The following NPR2 variants were observed in gnomAD, a reference collection of about 807,000 sequenced individuals.
NPR2 encodes the protein atrial natriuretic peptide receptor 2.
A neutral mutation model predicts 120.7 loss-of-function variants in NPR2; 49 were observed. That is an observed-to-expected ratio of 0.41 (90% confidence interval 0.32 to 0.52). NPR2 has a LOEUF of 0.52. Among genes scored for constraint, NPR2 ranks in the 20% least tolerant of loss-of-function variants. NPR2 has a pLI of 0.36. For synonymous variants in NPR2, 484 were observed against 519.8 expected, an observed-to-expected ratio of 0.93 and a Z score of 0.94; for missense variants, 931 against 1,362.9, an observed-to-expected ratio of 0.68 and a Z score of 4.99.
At chr9:35,804,419 G>T (rs1007586782) in intron 12 of NPR2, among the ~76,000 whole-genome samples, 2 of 152,080 alleles carry the variant, frequency 1.3e-5, no homozygotes, top group Non-Finnish European at 1.5e-5. Flanking sequence ...TTTTGGTAGA[G>T]GTGGGGTTTC....
At position 35,806,924 on chromosome 9, in the gene NPR2, T is replaced by C. The variant is rs574731052; in HGVS notation, c.2520-99T>C. On this transcript the variant is annotated intron_variant, in intron 16 of 21. Coordinates refer to ENST00000342694, the MANE Select transcript of NPR2 (RefSeq NM_003995.4). The surrounding 1 kb of genome is among the most constrained non-coding windows in gnomAD (Gnocchi z 4.6). ...CTCCCACCTGAAAAGCCTAGCTTTC[T>C]TGTTACAGCTCATCTCTGCTGCAGC... 416 of 1,367,014 alleles carry C rather than the reference T, an allele frequency of 3.0e-4. No homozygotes were observed. The highest frequency in any genetic ancestry group is 1.3e-3 in the Middle Eastern group (7 of 5,384). The allele number at this position is 1,367,014 out of a possible 1,614,324, so 84.7% of individuals were successfully genotyped here.
Position 35,802,081 on chromosome 9 carries a change from T to G in NPR2, c.1632+81T>G. On this transcript the variant is annotated intron_variant, in intron 9 of 21. Coordinates refer to ENST00000342694, the MANE Select transcript of NPR2 (RefSeq NM_003995.4). The surrounding 1 kb of genome is among the most constrained non-coding windows in gnomAD (Gnocchi z 4.2). ...TCTGCCACCTCTGCCCCTGAACCTC[T>G]GTCCCTCATACCCGACTCTCTGTGC... is the stretch of plus-strand genomic sequence containing the variant. 7.0e-7 allele frequency: 1 copy of G among 1,425,714 alleles called. No homozygotes were observed. The highest frequency in any genetic ancestry group is 1.1e-5 in the South Asian group (1 of 87,360). The allele number at this position is 1,425,714 out of a possible 1,614,324, so 88.3% of individuals were successfully genotyped here. A position where few individuals can be genotyped will look rare whatever the true frequency, so the allele number is the denominator to read the frequency against.
Position 35,806,942 on chromosome 9 carries a change from G to T in NPR2, c.2520-81G>T. The T allele has an allele frequency of 6.7e-7, 1 of 1,497,246 alleles. No individual in the cohort carries two copies. The highest frequency in any genetic ancestry group is 9.3e-7 in the Non-Finnish European group (1 of 1,079,760). 92.7% of individuals were successfully genotyped at this position (1,497,246 alleles called of 1,614,324 possible). ...AGCTTTCTTGTTACAGCTCATCTCTGCTGCAGCCACATACACTTTCCCTCT... is the reference window on the plus strand; with the variant it reads ...AGCTTTCTTGTTACAGCTCATCTCTTCTGCAGCCACATACACTTTCCCTCT... On this transcript the variant is annotated intron_variant, in intron 16 of 21. Coordinates refer to ENST00000342694, the MANE Select transcript of NPR2 (RefSeq NM_003995.4). This position sits in a 1 kb window ranked among gnomAD's most constrained non-coding sequence, Gnocchi z 4.6.
At chr9:35,795,368 A>G (rs1206526167) in intron 2 of NPR2, among the ~76,000 whole-genome samples, 4 of 152,208 alleles carry the variant, frequency 2.6e-5, no homozygotes, top group African/African-American at 7.2e-5. Context: ...AACCGTGCAT[A>G]TAAGTGTTTC....
rs777632416 is a variant in NPR2 at position 35,808,268 on chromosome 9, C to A, written c.2713-241C>A. 1.2e-6 allele frequency: 2 copies of A among 1,614,100 alleles called. No homozygotes were observed. The highest frequency in any genetic ancestry group is 1.7e-6 in the Non-Finnish European group (2 of 1,179,978). On this transcript the variant is annotated intron_variant, in intron 18 of 21. Coordinates refer to ENST00000342694, the MANE Select transcript of NPR2 (RefSeq NM_003995.4). This position sits in a 1 kb window ranked among gnomAD's most constrained non-coding sequence, Gnocchi z 4.0. ...CATGTCCTGCTGCAGACAGGGTGTTCATTCATTCCGCAAATGTTTACTGAG... is the reference window on the plus strand; with the variant it reads ...CATGTCCTGCTGCAGACAGGGTGTTAATTCATTCCGCAAATGTTTACTGAG...
At position 35,808,646 on chromosome 9, in the gene NPR2, C is replaced by A. The variant is rs1224456436; in HGVS notation, c.2850C>A (p.Pro950=). 1 of 1,614,182 alleles carries A rather than the reference C, an allele frequency of 6.2e-7. No homozygotes were observed. Among genetic ancestry groups the A allele is most frequent in the Non-Finnish European group, 8.5e-7 (1 of 1,180,022 alleles). The stretch of plus-strand genomic sequence containing the variant: ...CTTCCTTTCGCATCCGCCACCGACC[C>A]CATGACCAGCTGAGGCTACGCATAG... ...AVSSFRIRHR[P]HDQLRLRIGV... is the part of the protein sequence containing the mutation. Residue 950 remains proline, a synonymous_variant, in exon 19 of 22, where the codon CCC becomes CCA. Transcript: ENST00000342694. The surrounding 1 kb of genome is among the most constrained non-coding windows in gnomAD (Gnocchi z 4.0).
Position 35,808,421 on chromosome 9 carries a change from A to C in NPR2, c.2713-88A>C. On this transcript the variant is annotated intron_variant, in intron 18 of 21. Coordinates refer to ENST00000342694, the MANE Select transcript of NPR2 (RefSeq NM_003995.4). This position sits in a 1 kb window ranked among gnomAD's most constrained non-coding sequence, Gnocchi z 4.0. ...TGGTCTCCAGCATGTCAGGATGATT[A>C]ATGATGGTGTCAAGCTTGTCTCCCT... The C allele has an allele frequency of 6.9e-7, 1 of 1,456,430 alleles. No homozygotes were observed. Among genetic ancestry groups the C allele is most frequent in the Non-Finnish European group, 9.6e-7 (1 of 1,041,182 alleles). The allele number at this position is 1,456,430 out of a possible 1,614,324, so 90.2% of individuals were successfully genotyped here. A position where few individuals can be genotyped will look rare whatever the true frequency, so the allele number is the denominator to read the frequency against.
chr9:35,803,179 C>G (rs1278720881), intron 12 of NPR2, among the ~76,000 whole-genome samples: 1 of 82,486 alleles, frequency 1.2e-5, no homozygotes, highest in Non-Finnish European at 2.3e-5. Flanking sequence ...TCTCGGCTCA[C>G]TGCAAGCTCC....
intron 2 of NPR2, among the ~76,000 whole-genome samples, chr9:35,794,804 C>A (rs1317296930): frequency 6.6e-6 from 1 of 151,788 alleles, no homozygotes; most frequent in African/African-American, 2.4e-5. Flanking sequence ...TCTTAAGGCA[C>A]TAGGACTTGA....
chr9:35,805,402 T>A lies in NPR2; in HGVS notation c.1888-109T>A, dbSNP rs1224105284. 3.5e-6 allele frequency: 4 copies of A among 1,142,170 alleles called. No homozygotes were observed. In the African/African-American group the frequency reaches 6.1e-5, roughly 17 times the overall value. 70.8% of individuals were successfully genotyped at this position (1,142,170 alleles called of 1,614,324 possible). A position where few individuals can be genotyped will look rare whatever the true frequency, so the allele number is the denominator to read the frequency against. The stretch of plus-strand genomic sequence containing the variant: ...GATGCCTTCCAAAATCAGCTTATTA[T>A]TTTTGTGGACCCAAGATCTGTAGAC... On this transcript the variant is annotated intron_variant, in intron 12 of 21. Transcript: ENST00000342694. This position sits in a 1 kb window ranked among gnomAD's most constrained non-coding sequence, Gnocchi z 4.9.
In NPR2 at chr9:35,806,157, G is replaced by A. The variant is rs763799241; in HGVS notation, c.2296G>A (p.Glu766Lys). The change falls in exon 15 of 22, where the codon GAG becomes AAG. Residue 766 changes from glutamate (E) to lysine (K), a missense_variant. This residue lies in a region of NPR2 where 66 missense variants were observed against 60.3 expected (regional missense o/e 1.09). Transcript: ENST00000342694. The surrounding 1 kb of genome is among the most constrained non-coding windows in gnomAD (Gnocchi z 4.6). ...GAATGAAGAGCTAGTTTTGCTGATG[G>A]AGCGATGTTGGGCTCAGGACCCAGC... ...QLNEELVLLM[E>K]RCWAQDPAER... 6.2e-7 allele frequency: 1 copy of A among 1,614,240 alleles called. No homozygotes were observed. The highest frequency in any genetic ancestry group is 1.7e-5 in the Admixed American group (1 of 60,036).
In NPR2 at chr9:35,808,634, C is replaced by A. The variant is rs780232250; in HGVS notation, c.2838C>A (p.Ile946=). 1.3e-5 allele frequency: 21 copies of A among 1,614,072 alleles called. No individual in the cohort carries two copies. In the South Asian group the frequency reaches 2.3e-4, roughly 18 times the overall value. ...ALLDAVSSFR[I]RHRPHDQLRL... ...TAGATGCAGTTTCTTCCTTTCGCAT[C>A]CGCCACCGACCCCATGACCAGCTGA... is the stretch of plus-strand genomic sequence containing the variant. Residue 946 remains isoleucine (I), a synonymous_variant, in exon 19 of 22, where the codon ATC becomes ATA. Coordinates refer to ENST00000342694, the MANE Select transcript of NPR2 (RefSeq NM_003995.4). The surrounding 1 kb of genome is among the most constrained non-coding windows in gnomAD (Gnocchi z 4.0).
Position 35,802,386 on chromosome 9 carries a change from G to T in NPR2, c.1710+103G>T. The T allele has an allele frequency of 1.0e-6, 1 of 980,768 alleles. No homozygotes were observed. Among genetic ancestry groups the T allele is most frequent in the Non-Finnish European group, 1.6e-6 (1 of 606,508 alleles). 60.8% of individuals were successfully genotyped at this position (980,768 alleles called of 1,614,324 possible). On this transcript the variant is annotated intron_variant, in intron 10 of 21. Coordinates refer to ENST00000342694, the MANE Select transcript of NPR2 (RefSeq NM_003995.4). This position sits in a 1 kb window ranked among gnomAD's most constrained non-coding sequence, Gnocchi z 4.2. ...ATGGGCAAGGGGTTGATTTATAAAT[G>T]ATTTTAAAATCGTAGATACAACTAA...
chr9:35,805,390 A>G lies in NPR2; in HGVS notation c.1888-121A>G, dbSNP rs749925530. ...GAAACTGCAAAGGATGCCTTCCAAA[A>G]TCAGCTTATTATTTTTGTGGACCCA... On this transcript the variant is annotated intron_variant, in intron 12 of 21. Coordinates refer to ENST00000342694, the MANE Select transcript of NPR2 (RefSeq NM_003995.4). The surrounding 1 kb of genome is among the most constrained non-coding windows in gnomAD (Gnocchi z 4.9). The G allele has an allele frequency of 4.0e-6, 4 of 1,011,950 alleles. No individual in the cohort carries two copies. The highest frequency in any genetic ancestry group is 1.8e-5 in the Admixed American group (1 of 56,960). The allele number at this position is 1,011,950 out of a possible 1,614,324, so 62.7% of individuals were successfully genotyped here.
chr9:35,800,000 C>T (rs1191873353), intron 3 of NPR2, 22 bp from the exon 4 acceptor site: 4 of 1,613,502 alleles, frequency 2.5e-6, no homozygotes, highest in East Asian at 2.2e-5. Context: ...TTGGAGAGTA[C>T]TGCTGAAGTT....
chr9:35,805,716 C>A lies in NPR2; in HGVS notation c.2047+46C>A. ...CCACTTTTTATATTGCTCCTCTTTC[C>A]ACCTAGGGATGGTGGGAGAGGGAGG... On this transcript the variant is annotated intron_variant, in intron 13 of 21. Coordinates refer to ENST00000342694, the MANE Select transcript of NPR2 (RefSeq NM_003995.4). This position sits in a 1 kb window ranked among gnomAD's most constrained non-coding sequence, Gnocchi z 4.9. 1 of 1,611,544 alleles carries A rather than the reference C, an allele frequency of 6.2e-7. No individual in the cohort carries two copies. Among genetic ancestry groups the A allele is most frequent in the Non-Finnish European group, 8.5e-7 (1 of 1,178,164 alleles).
intron 2 of NPR2, among the ~76,000 whole-genome samples, chr9:35,796,701 G>A (rs2132072709): frequency 6.6e-6 from 1 of 152,336 alleles, no homozygotes; most frequent in Admixed American, 6.5e-5. Flanking sequence ...AAGGGAACTA[G>A]GCACCAGGAA....
Position 35,806,772 on chromosome 9 carries a change from G to C in NPR2, c.2519+234G>C, listed in dbSNP as rs1033285383. Among the ~76,000 whole-genome samples the C allele has an allele frequency of 1.3e-5, 2 of 152,058 alleles. No individual in the cohort carries two copies. The highest frequency in any genetic ancestry group is 2.9e-5 in the Non-Finnish European group (2 of 68,002). On this transcript the variant is annotated intron_variant, in intron 16 of 21. Transcript: ENST00000342694. This position sits in a 1 kb window ranked among gnomAD's most constrained non-coding sequence, Gnocchi z 4.6. Reference sequence around the variant, plus strand: ...CCTGCTCTACCACACCCTTGCTTCAGCAAGTGTATGTAAAACAGTCCCAAC... The same window carrying C: ...CCTGCTCTACCACACCCTTGCTTCACCAAGTGTATGTAAAACAGTCCCAAC...
In NPR2 at chr9:35,799,556, T is replaced by C. The variant is rs531749266; in HGVS notation, c.874-62T>C. The C allele has an allele frequency of 4.7e-5, 57 of 1,213,096 alleles. No individual in the cohort carries two copies. The African/African-American group carries it at 6.5e-4, about 14-fold the overall frequency. The allele number at this position is 1,213,096 out of a possible 1,614,324, so 75.1% of individuals were successfully genotyped here. A position where few individuals can be genotyped will look rare whatever the true frequency, so the allele number is the denominator to read the frequency against. On this transcript the variant is annotated intron_variant, in intron 2 of 21. Transcript: ENST00000342694. ...TTACCAAGTTTCCCTGTCCTGCATC[T>C]TCTCTTCCCATAATGCCTATCTTGA...
Sources: allele counts gnomAD v4.1 joint callset (sites outside exome capture counted in the v4.1 genomes callset), GRCh38; gene constraint gnomAD v4.1.1; regional missense constraint gnomAD v4.1.1; non-coding constraint Gnocchi (gnomAD v3.1); transcripts MANE v1.5; gene names NCBI Gene and HGNC (gene_info 2026-07-23, HGNC 2026-07-21).